Variants in GALNT13 observed in about 807,000 individuals in gnomAD.
GALNT13 encodes polypeptide N-acetylgalactosaminyltransferase 13.
Under a neutral mutation model 64.2 loss-of-function variants are expected in GALNT13, and 28 were observed. The ratio of observed to expected loss-of-function variants is 0.44; its 90% CI spans 0.32 to 0.60. GALNT13 has a LOEUF of 0.60. Ranked by LOEUF, GALNT13 falls within the 20% of genes least tolerant of loss-of-function variation. The pLI, the probability that GALNT13 is intolerant of heterozygous loss-of-function variation, is 0.05. For synonymous variants in GALNT13, 214 were observed against 224.6 expected, an observed-to-expected ratio of 0.95 and a Z score of 0.42; for missense variants, 577 against 669.8, an observed-to-expected ratio of 0.86 and a Z score of 1.53.
the GALNT13 span, among the ~76,000 whole-genome samples, chr2:153,390,622 A>G: frequency 2.0e-5 from 3 of 152,240 alleles, no homozygotes; most frequent in South Asian, 2.1e-4. Flanking sequence ...CAATATTAGT[A>G]TTACATATCA....
chr2:153,408,278 GC>G, the GALNT13 span, among the ~76,000 whole-genome samples: 1 of 151,958 alleles, frequency 6.6e-6, no homozygotes, highest in Non-Finnish European at 1.5e-5. Flanking sequence ...TGGAGGGGTT[GC>G]TTTCATACTG....
At chr2:153,648,584 A>G in the GALNT13 span, among the ~76,000 whole-genome samples, 1 of 152,136 alleles carries the variant, frequency 6.6e-6, no homozygotes, top group Non-Finnish European at 1.5e-5. Flanking sequence ...CCCATTCAGT[A>G]TGATATTGGC....
chr2:154,287,279 A>T (rs1692323948), intron 8 of GALNT13: 1 of 750,778 alleles, frequency 1.3e-6, no homozygotes, highest in Admixed American at 1.8e-5. Flanking sequence ...AGCAGAGCTG[A>T]TCCCCAACTC....
chr2:153,301,309 C>CAAAAAAAAAAAAAAG, the GALNT13 span, among the ~76,000 whole-genome samples: 2 of 76,432 alleles, frequency 2.6e-5, no homozygotes, highest in Non-Finnish European at 5.1e-5. Context: ...GACTCCTTCT[C>CAAAAAAAAAAAAAAG]AAAAAAAAAG....
chr2:154,269,904 G>GTATATATATATATATA (rs1404105316), intron 8 of GALNT13, among the ~76,000 whole-genome samples: 3 of 13,184 alleles, frequency 2.3e-4, no homozygotes, highest in East Asian at 6.8e-3. Context: ...TTATATATAT[G>GTATATATATATATATA]TGTATATATA....
chr2:153,080,938 G>T, the GALNT13 span, among the ~76,000 whole-genome samples: 1 of 151,526 alleles, frequency 6.6e-6, no homozygotes, highest in Admixed American at 6.6e-5. Flanking sequence ...TGTGATCATT[G>T]CCTTTTATTT....
intron 1 of GALNT13, among the ~76,000 whole-genome samples, chr2:153,899,590 G>C (rs1290233336): frequency 6.6e-6 from 1 of 152,202 alleles, no homozygotes; most frequent in South Asian, 2.1e-4. Flanking sequence ...GGGCCAGGTA[G>C]AGACCTGTGC....
the GALNT13 span, among the ~76,000 whole-genome samples, chr2:153,751,119 C>A: frequency 1.3e-5 from 2 of 151,854 alleles, no homozygotes; most frequent in South Asian, 4.1e-4. Context: ...GTATAGTTTC[C>A]AAAACTCCTA....
chr2:153,967,100 A>G (rs1191079801), intron 3 of GALNT13, among the ~76,000 whole-genome samples: 1 of 152,138 alleles, frequency 6.6e-6, no homozygotes, highest in Non-Finnish European at 1.5e-5. Context: ...TCACTTTGTT[A>G]AATTTCTCTG....
intron 8 of GALNT13, among the ~76,000 whole-genome samples, chr2:154,260,703 G>T (rs1227614123): frequency 6.6e-6 from 1 of 152,036 alleles, no homozygotes; most frequent in African/African-American, 2.4e-5. Flanking sequence ...GGTTCTTATG[G>T]TGAAAGAAAT....
chr2:153,476,488 A>G, the GALNT13 span, among the ~76,000 whole-genome samples: 1 of 152,170 alleles, frequency 6.6e-6, no homozygotes, highest in Admixed American at 6.5e-5. Flanking sequence ...GCTCGAAGCT[A>G]TTGTATCCTT....
chr2:153,476,806 T>TTAACGTCAC, the GALNT13 span, among the ~76,000 whole-genome samples: 1 of 152,196 alleles, frequency 6.6e-6, no homozygotes, highest in African/African-American at 2.4e-5. Context: ...CTAGGGAGCA[T>TTAACGTCAC]TAACGTCACT....
chr2:153,143,427 T>G, the GALNT13 span, among the ~76,000 whole-genome samples: 1 of 152,034 alleles, frequency 6.6e-6, no homozygotes, highest in Non-Finnish European at 1.5e-5. Context: ...TGATTGTAAT[T>G]TCATCCTGCC....
the GALNT13 span, among the ~76,000 whole-genome samples, chr2:153,120,313 C>T: frequency 5.9e-5 from 9 of 152,266 alleles, no homozygotes; most frequent in African/African-American, 1.9e-4. Flanking sequence ...TAAGTCTTCC[C>T]CTCAAATATG....
the GALNT13 span, among the ~76,000 whole-genome samples, chr2:153,214,443 A>G: frequency 1.3e-5 from 2 of 152,162 alleles, no homozygotes; most frequent in African/African-American, 4.8e-5. Context: ...TCCCATCATC[A>G]TAATTCTTTT....
the GALNT13 span, among the ~76,000 whole-genome samples, chr2:153,775,458 A>C: frequency 6.6e-6 from 1 of 152,160 alleles, no homozygotes; most frequent in African/African-American, 2.4e-5. Context: ...TATTCTACTT[A>C]CTTTTCAGAT....
At chr2:154,066,588 G>T (rs1700476661) in intron 3 of GALNT13, among the ~76,000 whole-genome samples, 1 of 151,932 alleles carries the variant, frequency 6.6e-6, no homozygotes. Flanking sequence ...TATTTAAAGT[G>T]CTGAAGGAAA....
At chr2:153,141,569 C>T in the GALNT13 span, among the ~76,000 whole-genome samples, 18 of 152,114 alleles carry the variant, frequency 1.2e-4, no homozygotes, top group South Asian at 2.1e-4. Flanking sequence ...TGGGAGAAGA[C>T]AGAGCCCTGT....
chr2:153,140,596 C>G, the GALNT13 span, among the ~76,000 whole-genome samples: 5 of 151,978 alleles, frequency 3.3e-5, no homozygotes, highest in Admixed American at 6.6e-5. Flanking sequence ...CTGTTAATCC[C>G]TGTTTTACAG....
Sources: allele counts gnomAD v4.1 joint callset (sites outside exome capture counted in the v4.1 genomes callset), GRCh38; gene constraint gnomAD v4.1.1; transcripts MANE v1.5; gene names NCBI Gene and HGNC (gene_info 2026-07-23, HGNC 2026-07-21).